LINGO2: variants seen among roughly 807,000 people sequenced by gnomAD.
LINGO2 encodes leucine rich repeat and Ig domain containing 2, also known as leucine-rich repeat and immunoglobulin-like domain-containing nogo receptor-interacting protein 2.
LINGO2 carries 14 observed loss-of-function variants against 30.6 expected under a neutral mutation model. That is an observed-to-expected ratio of 0.46 (90% CI 0.30 to 0.72). The LOEUF (loss-of-function observed/expected upper bound fraction) is 0.72. LINGO2 is among the 30% of genes least tolerant of loss of function. The pLI is 0.07. For missense variants in LINGO2, 729 were observed against 751.7 expected (o/e 0.97, Z 0.35); for synonymous variants, 317 against 288.5 (o/e 1.10, Z -1.00).
the LINGO2 span, among the ~76,000 whole-genome samples, chr9:28,896,052 C>T: frequency 5.9e-5 from 9 of 152,110 alleles, no homozygotes; most frequent in East Asian, 5.8e-4. Flanking sequence ...AGTCCAGTAA[C>T]GAATTTTAAA....
intron 1 of LINGO2, among the ~76,000 whole-genome samples, chr9:28,609,379 A>G (rs1825820689): frequency 6.6e-6 from 1 of 151,924 alleles, no homozygotes; most frequent in Non-Finnish European, 1.5e-5. Context: ...CAATAAGTCA[A>G]ATCATATATA....
chr9:28,746,364 G>A, the LINGO2 span, among the ~76,000 whole-genome samples: 1 of 152,058 alleles, frequency 6.6e-6, no homozygotes, highest in South Asian at 2.1e-4. Flanking sequence ...ATTATTGCTG[G>A]AAGGCACCAC....
chr9:28,743,264 C>T, the LINGO2 span, among the ~76,000 whole-genome samples: 12 of 151,742 alleles, frequency 7.9e-5, no homozygotes, highest in Admixed American at 3.9e-4. Context: ...ATACACGTGC[C>T]GTGGTGGTTT....
chr9:28,623,508 G>A (rs1473906990), intron 1 of LINGO2, among the ~76,000 whole-genome samples: 1 of 151,892 alleles, frequency 6.6e-6, no homozygotes, highest in Non-Finnish European at 1.5e-5. Flanking sequence ...CTTTAGGTGT[G>A]TGAATTTTCT....
intron 2 of LINGO2, among the ~76,000 whole-genome samples, chr9:28,430,704 C>A (rs138628973): frequency 6.6e-6 from 1 of 152,224 alleles, no homozygotes; most frequent in Non-Finnish European, 1.5e-5. Context: ...TGCTGGGTGA[C>A]AAACTGACCT....
chr9:27,948,929 A>C lies in LINGO2; in HGVS notation c.1743T>G (p.Tyr581Ter). The change falls in exon 6 of 6, where the codon TAT becomes TAG. Residue 581 changes from tyrosine (Y) to a stop codon, truncating the protein, a stop_gained. Transcript: ENST00000379992. LOFTEE classifies it high-confidence loss of function. The stretch of plus-strand genomic sequence containing the variant: ...CAGCACCATTGTTTTTTCTGGGCAC[A>C]TACTCAAGGTCAATGCTGTTTTTGT... 6.2e-7 allele frequency: 1 copy of C among 1,614,106 alleles called. No individual in the cohort carries two copies. The highest frequency in any genetic ancestry group is 8.5e-7 in the Non-Finnish European group (1 of 1,179,990).
the LINGO2 span, among the ~76,000 whole-genome samples, chr9:29,161,000 CAAAG>C: frequency 2.6e-5 from 4 of 152,154 alleles, no homozygotes; most frequent in Admixed American, 6.5e-5. Context: ...GGCTGGCGCC[CAAAG>C]AAAGAGAGAG....
chr9:28,535,565 T>C (rs73441435), intron 1 of LINGO2, among the ~76,000 whole-genome samples: 15,627 of 152,050 alleles, frequency 0.1, 1,831 homozygotes, highest in African/African-American at 0.28. Context: ...ATATAGAAAA[T>C]GTTCAGAGAC....
At chr9:28,294,909 T>C (rs1423141854) in intron 4 of LINGO2, among the ~76,000 whole-genome samples, 2 of 152,214 alleles carry the variant, frequency 1.3e-5, no homozygotes, top group Non-Finnish European at 2.9e-5. Flanking sequence ...CAACTGTTTA[T>C]GCCATTAGAG....
chr9:28,189,253 G>T (rs181748428), intron 4 of LINGO2, among the ~76,000 whole-genome samples: 2 of 105,796 alleles, frequency 1.9e-5, no homozygotes, highest in Admixed American at 1.0e-4. Context: ...GGGAGGAAGG[G>T]AGGAAGGAAG....
chr9:28,871,778 T>C, the LINGO2 span, among the ~76,000 whole-genome samples: 1 of 151,936 alleles, frequency 6.6e-6, no homozygotes, highest in African/African-American at 2.4e-5. Flanking sequence ...TCTGATGCAT[T>C]AACTGGGTGA....
chr9:28,062,423 A>G (rs1212994543), intron 4 of LINGO2, among the ~76,000 whole-genome samples: 2 of 147,846 alleles, frequency 1.4e-5, no homozygotes, highest in African/African-American at 4.9e-5. Flanking sequence ...ATATATGTGT[A>G]TATATATACT....
the LINGO2 span, among the ~76,000 whole-genome samples, chr9:28,765,957 G>T: frequency 6.6e-6 from 1 of 152,080 alleles, no homozygotes; most frequent in South Asian, 2.1e-4. Context: ...CTCAAAATGT[G>T]TTAAAGACCT....
At chr9:28,535,874 G>A (rs1037397962) in intron 1 of LINGO2, among the ~76,000 whole-genome samples, 1 of 152,124 alleles carries the variant, frequency 6.6e-6, no homozygotes, top group Non-Finnish European at 1.5e-5. Context: ...TTCAGAGGAG[G>A]ATTTAAACTT....
the LINGO2 span, among the ~76,000 whole-genome samples, chr9:28,715,130 A>G: frequency 2.0e-5 from 3 of 152,164 alleles, no homozygotes; most frequent in African/African-American, 7.2e-5. Flanking sequence ...GACTGCAGAA[A>G]CATTTGGACT....
chr9:27,996,827 T>C (rs866944747), intron 5 of LINGO2, among the ~76,000 whole-genome samples: 29 of 152,304 alleles, frequency 1.9e-4, no homozygotes, highest in Middle Eastern at 6.8e-3. Context: ...GATTTGATCA[T>C]TACACATTGT....
intron 5 of LINGO2, among the ~76,000 whole-genome samples, chr9:27,987,223 C>A (rs973232741): frequency 1.3e-5 from 2 of 151,858 alleles, no homozygotes; most frequent in Middle Eastern, 3.2e-3. Flanking sequence ...AGTTTTGAGT[C>A]TTCCTTGTCA....
chr9:28,837,755 T>C, the LINGO2 span, among the ~76,000 whole-genome samples: 4,606 of 144,262 alleles, frequency 0.032, 276 homozygotes, highest in African/African-American at 0.11. Flanking sequence ...TAGAGACAGA[T>C]AGTGAAGCTT....
At chr9:28,592,176 T>C (rs1407092655) in intron 1 of LINGO2, among the ~76,000 whole-genome samples, 1 of 152,062 alleles carries the variant, frequency 6.6e-6, no homozygotes, top group Non-Finnish European at 1.5e-5. Context: ...TCATAAGCCC[T>C]TCAAAGTAGA....
Sources: gnomAD v4.1 joint callset for allele counts (sites outside exome capture counted in the v4.1 genomes callset) on GRCh38, gnomAD v4.1.1 for gene constraint, MANE v1.5 for transcripts, NCBI Gene and HGNC (gene_info 2026-07-23, HGNC 2026-07-21) for gene names.